Variants in DNAJC8 observed in about 807,000 individuals in gnomAD.
DNAJC8 encodes the protein DnaJ heat shock protein family (Hsp40) member C8, also known as dnaJ homolog subfamily C member 8.
In DNAJC8, 24 loss-of-function variants were observed where a neutral mutation model predicts 43.2. The observed-to-expected ratio is 0.56, with a 90% CI of 0.40 to 0.78. The LOEUF is 0.78. DNAJC8 is among the 30% of genes least tolerant of loss of function. The pLI, the probability that DNAJC8 is intolerant of heterozygous loss-of-function variation, is 0.00. For missense variants in DNAJC8, 207 were observed against 299.4 expected (o/e 0.69, Z 2.28); for synonymous variants, 83 against 98.0 (o/e 0.85, Z 0.90).
chr1:28,203,100 G>A (rs891537117), intron 8 of DNAJC8, among the ~76,000 whole-genome samples: 18 of 152,100 alleles, frequency 1.2e-4, no homozygotes, highest in Admixed American at 6.6e-5. Flanking sequence ...AGTTGTGTAG[G>A]GGTGGCCACT....
intron 8 of DNAJC8, among the ~76,000 whole-genome samples, chr1:28,202,437 G>A (rs376285052): frequency 5.4e-5 from 8 of 147,016 alleles, no homozygotes; most frequent in South Asian, 4.4e-4. Context: ...CCGCCACCAC[G>A]CCCGGCTAAT....
At chr1:28,205,444 A>C in intron 6 of DNAJC8, 95 bp from the exon 7 acceptor site, 1 of 899,136 alleles carries the variant, frequency 1.1e-6, no homozygotes, top group South Asian at 1.6e-5. Context: ...GATAAAGCAG[A>C]TTAAAACCTG....
At chr1:28,223,713 CAA>C (rs750905346) in intron 2 of DNAJC8, among the ~76,000 whole-genome samples, 3 of 106,546 alleles carry the variant, frequency 2.8e-5, no homozygotes, top group Admixed American at 1.1e-4. Flanking sequence ...CTTGTCTTTA[CAA>C]AAAAAAAAAA....
chr1:28,224,261 C>A (rs1382028502), intron 2 of DNAJC8, among the ~76,000 whole-genome samples: 1 of 152,024 alleles, frequency 6.6e-6, no homozygotes, highest in Non-Finnish European at 1.5e-5. Context: ...AAAATAGTAA[C>A]CTCATGACAC....
In DNAJC8 at chr1:28,202,862, T is replaced by G. The variant is rs149724453; in HGVS notation, c.639+885A>C. The stretch of plus-strand genomic sequence containing the variant: ...CTCCCAAAGTGCTGGGATTACAGGC[T>G]TGAGCCACCACGCCCGGCCAGCATA... On this transcript the variant is annotated intron_variant, in intron 8 of 8. Coordinates refer to ENST00000263697, the MANE Select transcript of DNAJC8 (RefSeq NM_014280.3). 7.0e-3 allele frequency among the ~76,000 whole-genome samples: 1,054 copies of G among 151,028 alleles called. 13 individuals carry two copies. The highest frequency in any genetic ancestry group is 0.024 in the African/African-American group (993 of 41,188).
At chr1:28,217,118 C>T (rs1312211155) in intron 2 of DNAJC8, among the ~76,000 whole-genome samples, 2 of 151,632 alleles carry the variant, frequency 1.3e-5, no homozygotes, top group South Asian at 2.1e-4. Context: ...TTAAGCAACA[C>T]TTCTTTAAAC....
intron 3 of DNAJC8, among the ~76,000 whole-genome samples, chr1:28,212,521 A>G (rs1646822264): frequency 6.6e-6 from 1 of 151,676 alleles, no homozygotes; most frequent in African/African-American, 2.4e-5. Context: ...AGCTCAAGCA[A>G]TCTGCCCGAC....
At chr1:28,203,677 C>A in intron 8 of DNAJC8, 70 bp downstream of exon 8, 1 of 1,488,796 alleles carries the variant, frequency 6.7e-7, no homozygotes, top group African/African-American at 1.4e-5. Context: ...CCCACTCAGT[C>A]CTGGGAGCGC....
intron 5 of DNAJC8, among the ~76,000 whole-genome samples, chr1:28,209,530 A>G (rs527979196): frequency 1.3e-5 from 2 of 152,316 alleles, no homozygotes; most frequent in South Asian, 4.1e-4. Flanking sequence ...TAAGATGGAC[A>G]TAAACCTCCT....
At chr1:28,214,821 C>A in intron 3 of DNAJC8, 119 bp downstream of exon 3, 1 of 645,620 alleles carries the variant, frequency 1.5e-6, no homozygotes, top group Non-Finnish European at 2.5e-6. Flanking sequence ...AACAGTTACA[C>A]AGCCTTAAAA....
chr1:28,215,767 C>A (rs1206113778), intron 2 of DNAJC8, among the ~76,000 whole-genome samples: 1 of 152,062 alleles, frequency 6.6e-6, no homozygotes, highest in African/African-American at 2.4e-5. Context: ...AAACTCCAGA[C>A]TTCAGGTGAT....
intron 8 of DNAJC8, among the ~76,000 whole-genome samples, chr1:28,202,350 G>A (rs1441436447): frequency 6.6e-6 from 1 of 151,992 alleles, no homozygotes; most frequent in African/African-American, 2.4e-5. Flanking sequence ...TGCGATCTCG[G>A]CTCACTACAA....
chr1:28,214,680 T>C (rs969321433), intron 3 of DNAJC8, among the ~76,000 whole-genome samples: 6 of 152,174 alleles, frequency 3.9e-5, no homozygotes, highest in Non-Finnish European at 1.5e-5. Flanking sequence ...TTATTCTACT[T>C]TATACTTATC....
At chr1:28,227,407 CAAAAAAA>C (rs1190572347) in intron 2 of DNAJC8, among the ~76,000 whole-genome samples, 16 of 49,192 alleles carry the variant, frequency 3.3e-4, no homozygotes, top group Middle Eastern at 0.023. Context: ...GACTTCATCT[CAAAAAAA>C]AAAAAAAAAA....
intron 2 of DNAJC8, among the ~76,000 whole-genome samples, chr1:28,223,976 T>C (rs989245812): frequency 3.9e-5 from 6 of 152,148 alleles, no homozygotes; most frequent in African/African-American, 7.2e-5. Flanking sequence ...AAATGGTTAA[T>C]TCCAGGCTGG....
rs528325338 is a variant in DNAJC8, at chr1:28,219,879, G to T, written c.181-4883C>A. Among the ~76,000 whole-genome samples the T allele has an allele frequency of 2.0e-5, 3 of 152,250 alleles. No homozygotes were observed. In the East Asian group the frequency reaches 5.8e-4, roughly 29 times the overall value. ...TTCAGTAGAGATGGGGTTTCACCAT[G>T]TTGGCCAGGCTGGTCTCAAACTCCT... On this transcript the variant is annotated intron_variant, in intron 2 of 8. Coordinates refer to ENST00000263697, the MANE Select transcript of DNAJC8 (RefSeq NM_014280.3).
intron 8 of DNAJC8, 83 bp from the exon 9 acceptor site, chr1:28,201,453 C>T: frequency 6.3e-7 from 1 of 1,588,322 alleles, no homozygotes; most frequent in Admixed American, 1.7e-5. Context: ...ACTCACCCTC[C>T]TGTAGCCCAG....
chr1:28,213,909 G>A (rs571419966), intron 3 of DNAJC8, among the ~76,000 whole-genome samples: 4 of 152,220 alleles, frequency 2.6e-5, no homozygotes, highest in Admixed American at 2.6e-4. Context: ...CCAGCTACTG[G>A]GGAGGTTGAG....
At chr1:28,223,793 T>C (rs1646915287) in intron 2 of DNAJC8, among the ~76,000 whole-genome samples, 1 of 151,878 alleles carries the variant, frequency 6.6e-6, no homozygotes, top group Admixed American at 6.6e-5. Flanking sequence ...GAATAAATCC[T>C]GTGGGGTTGG....
Sources: gnomAD v4.1 joint callset for allele counts (sites outside exome capture counted in the v4.1 genomes callset) on GRCh38, gnomAD v4.1.1 for gene constraint, MANE v1.5 for transcripts, NCBI Gene and HGNC (gene_info 2026-07-23, HGNC 2026-07-21) for gene names.